The following NDUFS1 variants were observed in gnomAD, a reference collection of about 807,000 sequenced individuals.
NDUFS1 encodes NADH:ubiquinone oxidoreductase core subunit S1, also known as NADH-ubiquinone oxidoreductase 75 kDa subunit, mitochondrial.
In NDUFS1, 61 loss-of-function variants were observed where a neutral mutation model predicts 84.4. The ratio of observed to expected loss-of-function variants is 0.72; its 90% CI spans 0.59 to 0.89. NDUFS1 has a LOEUF of 0.89. NDUFS1 is among the 40% of genes least tolerant of loss of function. The pLI is 0.00. For synonymous variants in NDUFS1, 275 were observed against 290.0 expected (o/e 0.95, Z 0.53); for missense variants, 891 against 890.0 (o/e 1.00, Z -0.01).
rs373870579 is a variant in NDUFS1, at chr2:206,132,997, G to A, written c.1501C>T (p.Arg501Trp). 32 of 1,613,498 alleles carry A rather than the reference G, an allele frequency of 2.0e-5. No homozygotes were observed. Among genetic ancestry groups the A allele is most frequent in the Non-Finnish European group, 2.5e-5 (29 of 1,179,836 alleles). ...TCACCAGTAACACCACTAGTCATCC[G>A]AATCTTTTGTGCAATGCTAGAAACA... ...AAVSSIAQKIRMTSGVTGDWK... is the reference protein window; with the variant it reads ...AAVSSIAQKIWMTSGVTGDWK... Residue 501 changes from arginine to tryptophan, a missense_variant, in exon 14 of 19, where the codon CGG becomes TGG. Physicochemically the swap from Arg to Trp is moderately radical, Grantham distance 101. Coordinates refer to ENST00000233190, the MANE Select transcript of NDUFS1 (RefSeq NM_005006.7).
chr2:206,145,394 G>A (rs1177263462), intron 8 of NDUFS1, among the ~76,000 whole-genome samples: 2 of 152,092 alleles, frequency 1.3e-5, no homozygotes, highest in Non-Finnish European at 2.9e-5. Context: ...CTAAAAGCTG[G>A]GATTATAGGT....
At chr2:206,150,589 A>G (rs1421119342) in intron 3 of NDUFS1, among the ~76,000 whole-genome samples, 3 of 152,200 alleles carry the variant, frequency 2.0e-5, no homozygotes, top group African/African-American at 7.2e-5. Context: ...AAATGTGTTG[A>G]GTCTTTCCTT....
intron 1 of NDUFS1, among the ~76,000 whole-genome samples, chr2:206,158,734 G>A (rs1409081482): frequency 6.6e-6 from 1 of 152,218 alleles, no homozygotes; most frequent in African/African-American, 2.4e-5. Flanking sequence ...TACAGTTCAA[G>A]CACTGGATCC....
rs1350256500 is a variant in NDUFS1 at position 206,116,081 on chromosome 2, T to G, written c.*8104A>C. On this transcript the variant is annotated 3_prime_UTR_variant, in exon 19 of 19. Coordinates refer to ENST00000233190, the MANE Select transcript of NDUFS1 (RefSeq NM_005006.7). The stretch of plus-strand genomic sequence containing the variant: ...GACAACTCTGCTGGGTTGCGTTATT[T>G]CATACTAGCTTATTTAGTGGTTCCA... 9.1e-7 allele frequency: 1 copy of G among 1,098,040 alleles called. No individual in the cohort carries two copies. 68.0% of individuals were successfully genotyped at this position (1,098,040 alleles called of 1,614,324 possible).
Position 206,144,935 on chromosome 2 carries a change from T to A in NDUFS1, c.829A>T (p.Met277Leu). ...CACTCTTCATTGATGTCCTCATGCATACGTGGCAAAATCCTCATCACTTCT... is the reference window on the plus strand; with the variant it reads ...CACTCTTCATTGATGTCCTCATGCAAACGTGGCAAAATCCTCATCACTTCT... ...TGEVMRILPR[M>L]HEDINEEWIS... Residue 277 changes from methionine to leucine, a missense_variant, in exon 9 of 19, where the codon ATG (methionine) becomes TTG (leucine). By Grantham distance (15) the Met-to-Leu change is conservative (BLOSUM62 2). Transcript: ENST00000233190. 6.2e-7 allele frequency: 1 copy of A among 1,614,152 alleles called. No homozygotes were observed. Among genetic ancestry groups the A allele is most frequent in the African/African-American group, 1.3e-5 (1 of 75,070 alleles).
chr2:206,118,497 G>A lies in NDUFS1; in HGVS notation c.*5688C>T, dbSNP rs1691012798. ...AAAAATTAGCCAGGTGTGGTGGCGT[G>A]TGCCTGTAGTCCCAGCCACTTGGGA... On this transcript the variant is annotated 3_prime_UTR_variant, in exon 19 of 19. Coordinates refer to ENST00000233190, the MANE Select transcript of NDUFS1 (RefSeq NM_005006.7). 1 of 152,268 alleles carries A rather than the reference G, an allele frequency of 6.6e-6. No individual in the cohort carries two copies. Among genetic ancestry groups the A allele is most frequent in the Non-Finnish European group, 1.5e-5 (1 of 68,208 alleles). 9.4% of individuals were successfully genotyped at this position (152,268 alleles called of 1,614,324 possible).
intron 5 of NDUFS1, among the ~76,000 whole-genome samples, chr2:206,148,464 A>G (rs1692244311): frequency 6.6e-6 from 1 of 152,092 alleles, no homozygotes; most frequent in Admixed American, 6.6e-5. Flanking sequence ...GGAGCCTAGA[A>G]TAAAGTATCA....
chr2:206,135,478 T>A (rs58935989), intron 13 of NDUFS1, among the ~76,000 whole-genome samples: 9 of 151,710 alleles, frequency 5.9e-5, no homozygotes, highest in African/African-American at 2.2e-4. Context: ...ATTGAGACCA[T>A]CCTGGCCAAC....
At chr2:206,143,452 A>G (rs1692041177) in intron 10 of NDUFS1, among the ~76,000 whole-genome samples, 1 of 152,180 alleles carries the variant, frequency 6.6e-6, no homozygotes, top group Admixed American at 6.6e-5. Flanking sequence ...ACCTCCTCTG[A>G]AGTATCTGCC....
rs753400328 is a variant in NDUFS1, at chr2:206,147,621, A to G, written c.461T>C (p.Leu154Ser). 1 of 1,614,154 alleles carries G rather than the reference A, an allele frequency of 6.2e-7. No homozygotes were observed. Among genetic ancestry groups the G allele is most frequent in the Non-Finnish European group, 8.5e-7 (1 of 1,180,016 alleles). Residue 154 changes from leucine to serine, a missense_variant, in exon 7 of 19, where the codon TTA becomes TCA. Transcript: ENST00000233190. ...MMFGNDRSRFLEGKRAVEDKN... is the reference protein window; with the variant it reads ...MMFGNDRSRFSEGKRAVEDKN... The stretch of plus-strand genomic sequence containing the variant: ...GTCTTCCACAGCACGCTTCCCCTCT[A>G]AAAATCGGCTCCTATCATTTCCAAA...
At chr2:206,140,704 C>G (rs1691904964) in intron 12 of NDUFS1, among the ~76,000 whole-genome samples, 1 of 151,882 alleles carries the variant, frequency 6.6e-6, no homozygotes, top group Non-Finnish European at 1.5e-5. Flanking sequence ...GTCTCAAACT[C>G]CTGACCTCAG....
chr2:206,150,053 CT>C, intron 3 of NDUFS1, 128 bp from the exon 4 acceptor site: 2 of 722,660 alleles, frequency 2.8e-6, no homozygotes, highest in Non-Finnish European at 2.4e-6. Flanking sequence ...ATCTATCTAT[CT>C]TAATTCATTC....
chr2:206,140,633 A>G (rs1364809577), intron 12 of NDUFS1, among the ~76,000 whole-genome samples: 3 of 151,882 alleles, frequency 2.0e-5, no homozygotes, highest in Non-Finnish European at 4.4e-5. Flanking sequence ...GGCATGCGCC[A>G]CCATGCCCGG....
At chr2:206,134,653 T>C (rs920986695) in intron 13 of NDUFS1, among the ~76,000 whole-genome samples, 1 of 150,686 alleles carries the variant, frequency 6.6e-6, no homozygotes, top group African/African-American at 2.4e-5. Flanking sequence ...GGGTACAGGA[T>C]ACAAAACAAA....
intron 1 of NDUFS1, among the ~76,000 whole-genome samples, chr2:206,158,198 G>C (rs13015461): frequency 6.6e-6 from 1 of 151,770 alleles, no homozygotes. Context: ...TCCTGGCCTC[G>C]TGATCCGCCC....
At chr2:206,142,924 A>C in intron 10 of NDUFS1, 93 bp from the exon 11 acceptor site, 1 of 1,524,022 alleles carries the variant, frequency 6.6e-7, no homozygotes, top group Non-Finnish European at 8.9e-7. Context: ...CTTGTTTTCA[A>C]GTACAAAAAA....
rs1488951844 is a variant in NDUFS1, at chr2:206,147,066, C to T, written c.574G>A (p.Val192Ile). The change falls in exon 8 of 19, where the codon GTA becomes ATA. Residue 192 changes from valine (V) to isoleucine (I), a missense_variant. Coordinates refer to ENST00000233190, the MANE Select transcript of NDUFS1 (RefSeq NM_005006.7). ...CIRFASEIAG[V>I]DDLGTTGRGN... ...CTGCCTGTTGTTCCCAAATCATCTACTCCTGCAATCTCACTTGCAAACCTA... is the reference window on the plus strand; with the variant it reads ...CTGCCTGTTGTTCCCAAATCATCTATTCCTGCAATCTCACTTGCAAACCTA... 4 of 1,614,098 alleles carry T rather than the reference C, an allele frequency of 2.5e-6. No individual in the cohort carries two copies. The highest frequency in any genetic ancestry group is 3.4e-6 in the Non-Finnish European group (4 of 1,180,006).
intron 4 of NDUFS1, 110 bp from the exon 5 acceptor site, chr2:206,149,206 A>C (rs1692277087): frequency 1.2e-6 from 1 of 828,688 alleles, no homozygotes; most frequent in South Asian, 1.7e-5. Flanking sequence ...TATACATTTG[A>C]TAACAGGCAA....
chr2:206,131,619 T>C (rs540548985), intron 14 of NDUFS1, among the ~76,000 whole-genome samples: 123 of 151,144 alleles, frequency 8.1e-4, no homozygotes, highest in Non-Finnish European at 1.4e-3. Context: ...CTGGCGAACA[T>C]GGTGAAATCC....
Sources: allele counts gnomAD v4.1 joint callset (sites outside exome capture counted in the v4.1 genomes callset), GRCh38; gene constraint gnomAD v4.1.1; transcripts MANE v1.5; gene names NCBI Gene and HGNC (gene_info 2026-07-23, HGNC 2026-07-21).